RRM2: variants seen among roughly 807,000 people sequenced by gnomAD.
The protein encoded by RRM2 is ribonucleoside-diphosphate reductase subunit M2.
RRM2 carries 6 observed loss-of-function variants against 45.9 expected under a neutral mutation model. That is an observed-to-expected ratio of 0.13 (90% CI 0.07 to 0.26). The LOEUF is 0.26. Among genes scored for constraint, RRM2 ranks in the 10% least tolerant of loss-of-function variants. The pLI, the probability that RRM2 is intolerant of heterozygous loss-of-function variation, is 1.00. For missense variants in RRM2, 343 were observed against 489.5 expected, an observed-to-expected ratio of 0.70 and a Z score of 2.82; for synonymous variants, 177 against 173.0, an observed-to-expected ratio of 1.02 and a Z score of -0.18.
chr2:10,150,710 T>G (rs1663290701), intron 3 of RRM2, among the ~76,000 whole-genome samples: 1 of 150,238 alleles, frequency 6.7e-6, no homozygotes, highest in Non-Finnish European at 1.5e-5. Flanking sequence ...CTGACTGCTT[T>G]CCGTCGCCAG....
upstream of RRM2, among the ~76,000 whole-genome samples, chr2:10,136,455 G>A (rs1156962324): frequency 5.3e-5 from 8 of 152,174 alleles, no homozygotes; most frequent in African/African-American, 1.9e-4. Context: ...CTGTCATCTA[G>A]AGGCCACTGC....
At position 10,185,539 on chromosome 2, in the gene RRM2, C is replaced by T. The variant is rs1279863210; in HGVS notation, n.483-24772C>T. On this transcript the variant is annotated intron_variant and non_coding_transcript_variant, in intron 3 of 3. Coordinates refer to the RRM2 transcript ENST00000381786. The surrounding 1 kb of genome is among the most constrained non-coding windows in gnomAD (Gnocchi z 4.3). ...GTCTTGTCTCAGCCTTTTCCCCACCCATTCACTCCTCTCCCAAATCCGGAT... is the reference window on the plus strand; with the variant it reads ...GTCTTGTCTCAGCCTTTTCCCCACCTATTCACTCCTCTCCCAAATCCGGAT... Among the ~76,000 whole-genome samples the T allele has an allele frequency of 6.6e-6, 1 of 152,158 alleles. No homozygotes were observed.
At chr2:10,164,025 T>TGC (rs1663628017) in intron 3 of RRM2, among the ~76,000 whole-genome samples, 1 of 151,470 alleles carries the variant, frequency 6.6e-6, no homozygotes, top group Non-Finnish European at 1.5e-5. Context: ...TGTGTGTGTG[T>TGC]GCATGAGTGT....
At chr2:10,165,420 G>A (rs1401531900) in intron 3 of RRM2, among the ~76,000 whole-genome samples, 2 of 152,172 alleles carry the variant, frequency 1.3e-5, no homozygotes, top group African/African-American at 4.8e-5. Context: ...CGTAGCTGAC[G>A]GTCCCAGGAC....
chr2:10,210,783 GTGA>G (rs1664748700), exon 4 of RRM2: 2 of 401,334 alleles, frequency 5.0e-6, no homozygotes, highest in Non-Finnish European at 9.1e-6. Flanking sequence ...AACTCCCAAT[GTGA>G]TGGTGTCAGG....
chr2:10,157,174 G>A (rs754063489), intron 3 of RRM2, among the ~76,000 whole-genome samples: 3 of 151,740 alleles, frequency 2.0e-5, no homozygotes, highest in Admixed American at 6.6e-5. Context: ...GACTACAGGC[G>A]CCCGCCACCG....
upstream of RRM2, chr2:10,122,659 C>T (rs769050470): frequency 9.7e-6 from 15 of 1,548,656 alleles, no homozygotes; most frequent in South Asian, 1.2e-4. Flanking sequence ...ATGGGAAGGG[C>T]CGGGGCACCA....
rs573618730 is a variant in RRM2 at position 10,183,190 on chromosome 2, TAGA to T, written n.483-27118_483-27116del. Among the ~76,000 whole-genome samples the T allele has an allele frequency of 3.8e-4, 57 of 151,858 alleles. 4 individuals carry two copies. The East Asian group carries it at 0.011, about 30-fold the overall frequency. On this transcript the variant is annotated intron_variant and non_coding_transcript_variant, in intron 3 of 3. Coordinates refer to the RRM2 transcript ENST00000381786. The stretch of plus-strand genomic sequence containing the variant: ...TGTCTCTAAAACAAAACAAAATAAA[TAGA>T]AGGAGGAGAGGCGTGAGCATTGAGA...
intron 3 of RRM2, among the ~76,000 whole-genome samples, chr2:10,147,929 G>C (rs902524756): frequency 8.6e-5 from 13 of 151,888 alleles, no homozygotes; most frequent in Non-Finnish European, 1.3e-4. Flanking sequence ...TGGATCACTC[G>C]AGGTCAGGAG....
chr2:10,207,016 C>T (rs16855952), intron 3 of RRM2, among the ~76,000 whole-genome samples: 9,941 of 152,228 alleles, frequency 0.065, 378 homozygotes, highest in Middle Eastern at 0.099. Context: ...AAAGAGGTTT[C>T]GGACGGAAGG....
At chr2:10,206,370 A>G (rs1000480388) in intron 3 of RRM2, among the ~76,000 whole-genome samples, 32 of 152,344 alleles carry the variant, frequency 2.1e-4, no homozygotes, top group African/African-American at 7.5e-4. Context: ...AAGATTTTTC[A>G]TAATAGTTGT....
chr2:10,186,980 C>A (rs1423646951), intron 3 of RRM2, among the ~76,000 whole-genome samples: 1 of 152,242 alleles, frequency 6.6e-6, no homozygotes, highest in Non-Finnish European at 1.5e-5. Context: ...GCCCAGGAGT[C>A]CCCCGAAGGG....
intron 3 of RRM2, among the ~76,000 whole-genome samples, chr2:10,192,321 G>A (rs1006766995): frequency 6.6e-6 from 1 of 152,218 alleles, no homozygotes; most frequent in Non-Finnish European, 1.5e-5. Context: ...ACTTCTCAGA[G>A]CCTTTAATGG....
chr2:10,157,211 G>C (rs974555210), intron 3 of RRM2, among the ~76,000 whole-genome samples: 2 of 152,022 alleles, frequency 1.3e-5, no homozygotes, highest in African/African-American at 4.8e-5. Context: ...TGTATTTTTA[G>C]TAGAGACGGG....
chr2:10,124,596 A>G, intron 4 of RRM2, 121 bp from the exon 5 acceptor site: 1 of 1,075,038 alleles, frequency 9.3e-7, no homozygotes, highest in Non-Finnish European at 1.3e-6. Flanking sequence ...GACAAATTGG[A>G]TGAAATATAT....
rs2125307627 is a variant in RRM2 at position 10,127,822 on chromosome 2, G to A, written c.798+602G>A. 6.6e-6 allele frequency among the ~76,000 whole-genome samples: 1 copy of A among 152,046 alleles called. No individual in the cohort carries two copies. Among genetic ancestry groups the A allele is most frequent in the South Asian group, 2.1e-4 (1 of 4,814 alleles). On this transcript the variant is annotated intron_variant, in intron 7 of 9. Coordinates refer to ENST00000304567, the MANE Select transcript of RRM2 (RefSeq NM_001034.4). This position sits in a 1 kb window ranked among gnomAD's most constrained non-coding sequence, Gnocchi z 4.1. ...TGATGGGATTGGGATTTTAAGGGAT[G>A]TTTTATTATTTTTGCCTGGTATTAA...
chr2:10,126,895 T>C lies in RRM2; in HGVS notation c.590T>C (p.Ile197Thr), dbSNP rs148853193. 3 of 1,613,920 alleles carry C rather than the reference T, an allele frequency of 1.9e-6. No homozygotes were observed. Among genetic ancestry groups the C allele is most frequent in the African/African-American group, 1.3e-5 (1 of 74,912 alleles). ...PKEREFLFNA[I>T]ETMPCVKKKA... The stretch of plus-strand genomic sequence containing the variant: ...ACTAGGGAATTTCTCTTCAATGCCA[T>C]TGAAACGATGCCTTGTGTCAAGAAG... Residue 197 changes from isoleucine (I) to threonine (T), a missense_variant, in exon 6 of 10, where the codon ATT becomes ACT. Physicochemically the swap from Ile to Thr is moderately conservative, Grantham distance 89 (BLOSUM62 -1). Around this residue, in one of 2 missense-constraint regions of RRM2, gnomAD observed 212 missense variants for 368.1 expected, o/e 0.58. Coordinates refer to ENST00000304567, the MANE Select transcript of RRM2 (RefSeq NM_001034.4).
At chr2:10,125,820 A>C (rs1489542400) in intron 5 of RRM2, among the ~76,000 whole-genome samples, 1 of 152,196 alleles carries the variant, frequency 6.6e-6, no homozygotes, top group African/African-American at 2.4e-5. Context: ...GGACTGAGGA[A>C]ACATTGGGAG....
At chr2:10,123,324 A>G in intron 2 of RRM2, 63 bp from the exon 3 acceptor site, 1 of 1,531,252 alleles carries the variant, frequency 6.5e-7, no homozygotes, top group African/African-American at 1.4e-5. Context: ...GACTTGGTCC[A>G]GAAAAACGTT....
Sources: allele counts gnomAD v4.1 joint callset (sites outside exome capture counted in the v4.1 genomes callset), GRCh38; gene constraint gnomAD v4.1.1; regional missense constraint gnomAD v4.1.1; non-coding constraint Gnocchi (gnomAD v3.1); transcripts MANE v1.5; gene names NCBI Gene and HGNC (gene_info 2026-07-23, HGNC 2026-07-21).